GRM7: variants seen among roughly 807,000 people sequenced by gnomAD.
The protein encoded by GRM7 is glutamate metabotropic receptor 7, also known as metabotropic glutamate receptor 7.
GRM7 carries 35 observed loss-of-function variants against 84.5 expected under a neutral mutation model. The observed-to-expected ratio is 0.41, with a 90% CI of 0.32 to 0.55. The LOEUF (loss-of-function observed/expected upper bound fraction) is 0.55, where lower values mean the gene tolerates loss of function less well. Ranked by LOEUF, GRM7 falls within the 20% of genes least tolerant of loss-of-function variation. The pLI, the probability that GRM7 is intolerant of heterozygous loss-of-function variation, is 0.19. For missense variants in GRM7, 1,003 were observed against 1,194.6 expected (o/e 0.84, Z 2.36); for synonymous variants, 487 against 455.1 (o/e 1.07, Z -0.89).
intron 7 of GRM7, among the ~76,000 whole-genome samples, chr3:7,525,744 T>G (rs751852238): frequency 2.0e-5 from 3 of 152,100 alleles, no homozygotes; most frequent in Non-Finnish European, 2.9e-5. Flanking sequence ...TGACTAGTGG[T>G]CTCACCTTTA....
At chr3:6,949,327 C>G (rs1452402523) in intron 1 of GRM7, among the ~76,000 whole-genome samples, 1 of 152,112 alleles carries the variant, frequency 6.6e-6, no homozygotes, top group Admixed American at 6.5e-5. Flanking sequence ...CTTAGTTTGG[C>G]TGAATATGAA....
chr3:7,273,894 C>T (rs565662515), intron 2 of GRM7, among the ~76,000 whole-genome samples: 27 of 151,876 alleles, frequency 1.8e-4, no homozygotes, highest in Non-Finnish European at 3.5e-4. Flanking sequence ...GTAATAGCTG[C>T]CATGCTTGCC....
At chr3:7,548,297 C>G (rs576198563) in intron 7 of GRM7, among the ~76,000 whole-genome samples, 5 of 152,262 alleles carry the variant, frequency 3.3e-5, no homozygotes, top group African/African-American at 1.2e-4. Flanking sequence ...CTCTCTTGCT[C>G]CCTCTCTTAC....
At chr3:7,501,974 G>T (rs1699897856) in intron 7 of GRM7, among the ~76,000 whole-genome samples, 1 of 152,168 alleles carries the variant, frequency 6.6e-6, no homozygotes, top group Admixed American at 6.5e-5. Context: ...GATGGATAAT[G>T]CAGCCTTACA....
At chr3:7,374,678 A>G (rs1694272743) in intron 4 of GRM7, among the ~76,000 whole-genome samples, 2 of 146,232 alleles carry the variant, frequency 1.4e-5, no homozygotes, top group South Asian at 4.4e-4. Context: ...TTTAGTAGAG[A>G]CAGGGTTTCA....
intron 1 of GRM7, among the ~76,000 whole-genome samples, chr3:6,982,182 A>G (rs62236571): frequency 0.025 from 3,826 of 152,302 alleles, 69 homozygotes; most frequent in Non-Finnish European, 0.036. Context: ...GTCCTAAGCA[A>G]ATTAATGCAG....
Position 7,486,628 on chromosome 3 carries a change from A to T in GRM7, c.1515+24906A>T, listed in dbSNP as rs1699333246. 6.6e-6 allele frequency among the ~76,000 whole-genome samples: 1 copy of T among 152,190 alleles called. No individual in the cohort carries two copies. Among genetic ancestry groups the T allele is most frequent in the Admixed American group, 6.5e-5 (1 of 15,280 alleles). On this transcript the variant is annotated intron_variant, in intron 7 of 9. Transcript: ENST00000357716. The surrounding 1 kb of genome is among the most constrained non-coding windows in gnomAD (Gnocchi z 5.5). ...CTTCTTTCACTTCTCTGCCATGTTG[A>T]CACAGCACAAGACCCTCCCCAGAAG...
At chr3:7,084,716 C>T (rs1698383976) in intron 1 of GRM7, among the ~76,000 whole-genome samples, 1 of 152,056 alleles carries the variant, frequency 6.6e-6, no homozygotes. Flanking sequence ...TCTGGAGTCA[C>T]TCTTTAATAA....
intron 7 of GRM7, among the ~76,000 whole-genome samples, chr3:7,534,895 C>A (rs1424536441): frequency 6.6e-6 from 1 of 152,036 alleles, no homozygotes; most frequent in Non-Finnish European, 1.5e-5. Flanking sequence ...ATGGGAACAT[C>A]ATAGGGTGTT....
chr3:7,445,997 TC>T, intron 5 of GRM7, among the ~76,000 whole-genome samples: 1 of 128,674 alleles, frequency 7.8e-6, no homozygotes, highest in South Asian at 2.2e-4. Flanking sequence ...GCCCTGACTC[TC>T]TTTTTCAAAG....
chr3:7,093,386 T>C (rs554251984), intron 1 of GRM7, among the ~76,000 whole-genome samples: 2 of 151,584 alleles, frequency 1.3e-5, no homozygotes, highest in African/African-American at 4.8e-5. Context: ...TCCATAAAAG[T>C]AGTTAGTGGC....
At chr3:7,488,432 C>G (rs944932738) in intron 7 of GRM7, among the ~76,000 whole-genome samples, 1 of 152,076 alleles carries the variant, frequency 6.6e-6, no homozygotes, top group Non-Finnish European at 1.5e-5. Flanking sequence ...CTTTAAAAGA[C>G]GTTTGAGTCA....
At chr3:7,156,157 G>T (rs1489700894) in intron 2 of GRM7, among the ~76,000 whole-genome samples, 1 of 152,144 alleles carries the variant, frequency 6.6e-6, no homozygotes, top group African/African-American at 2.4e-5. Flanking sequence ...GCTCATAGGA[G>T]ACTAAGTATT....
intron 7 of GRM7, among the ~76,000 whole-genome samples, chr3:7,467,918 G>C (rs569390759): frequency 6.6e-6 from 1 of 152,226 alleles, no homozygotes; most frequent in African/African-American, 2.4e-5. Context: ...ATTAAACTGA[G>C]GTGATTCAAA....
chr3:7,137,219 T>C (rs73122337), intron 1 of GRM7, among the ~76,000 whole-genome samples: 1,785 of 152,234 alleles, frequency 0.012, 34 homozygotes, highest in African/African-American at 0.041. Context: ...AAATTGTTTT[T>C]TCCCCTAGCA....
intron 6 of GRM7, among the ~76,000 whole-genome samples, chr3:7,458,959 G>A (rs544937073): frequency 3.9e-5 from 6 of 152,236 alleles, no homozygotes; most frequent in African/African-American, 1.2e-4. Context: ...CGCAAGACTT[G>A]TTGAAATCAG....
intron 9 of GRM7, among the ~76,000 whole-genome samples, chr3:7,736,592 A>G (rs17047878): frequency 0.032 from 4,861 of 152,264 alleles, 277 homozygotes; most frequent in African/African-American, 0.11. Flanking sequence ...GCTATAGTTT[A>G]TGGACAACAC....
At chr3:7,442,370 A>G (rs1348200900) in intron 5 of GRM7, among the ~76,000 whole-genome samples, 4 of 152,156 alleles carry the variant, frequency 2.6e-5, no homozygotes, top group Admixed American at 6.5e-5. Context: ...GGCTGAGACT[A>G]TGGGTCTTAT....
chr3:7,413,959 G>A (rs752972337), intron 4 of GRM7, among the ~76,000 whole-genome samples: 101 of 152,234 alleles, frequency 6.6e-4, no homozygotes, highest in Non-Finnish European at 1.2e-3. Context: ...CCTATAGGAT[G>A]GGTGTCAGAA....
Sources: allele counts gnomAD v4.1 joint callset (sites outside exome capture counted in the v4.1 genomes callset), GRCh38; gene constraint gnomAD v4.1.1; non-coding constraint Gnocchi (gnomAD v3.1); transcripts MANE v1.5; gene names NCBI Gene and HGNC (gene_info 2026-07-23, HGNC 2026-07-21).